The following ZUP1 variants were observed in gnomAD, a reference collection of about 807,000 sequenced individuals.
The protein encoded by ZUP1 is zinc finger containing ubiquitin peptidase 1.
A neutral mutation model predicts 68.1 loss-of-function variants in ZUP1; 55 were observed. The ratio of observed to expected loss-of-function variants is 0.81; its 90% confidence interval spans 0.65 to 1.01. ZUP1 has a LOEUF of 1.01. ZUP1 is among the 50% of genes least tolerant of loss of function. The pLI is 0.00. For synonymous variants in ZUP1, 223 were observed against 221.5 expected, an observed-to-expected ratio of 1.01 and a Z score of -0.06; for missense variants, 684 against 674.9, an observed-to-expected ratio of 1.01 and a Z score of -0.15.
Position 116,643,776 on chromosome 6 carries a change from G to A in ZUP1, c.1689+1938C>T, listed in dbSNP as rs529198406. 3.9e-5 allele frequency among the ~76,000 whole-genome samples: 6 copies of A among 152,298 alleles called. 1 individual carries two copies. The South Asian group carries it at 1.2e-3, about 32-fold the overall frequency. ...GCATTACCATTCAGCACATAGGCAT[G>A]GGCAAGGACTTCATGTCTAAAACAC... On this transcript the variant is annotated intron_variant, in intron 9 of 9. Transcript: ENST00000368576.
intron 8 of ZUP1, among the ~76,000 whole-genome samples, chr6:116,646,420 A>G (rs72959945): frequency 0.023 from 3,480 of 152,332 alleles, 68 homozygotes; most frequent in Middle Eastern, 0.099. Flanking sequence ...TTTACCAAGT[A>G]TCTATGTGCC....
Position 116,652,044 on chromosome 6 carries a change from T to C in ZUP1, c.1110A>G (p.Ser370=), listed in dbSNP as rs879719846. ...CGYRNFQMLL[S]SLLQNDAYND... ...TGTAAGCATCATTTTGTAATAATGA[T>C]GAAAGTAGCATTTGGAAATTTCTGT... The change falls in exon 6 of 10, where the codon TCA becomes TCG. Residue 370 remains serine (S), a synonymous_variant. Coordinates refer to ENST00000368576, the MANE Select transcript of ZUP1 (RefSeq NM_145062.3). The C allele has an allele frequency of 3.1e-6, 5 of 1,613,860 alleles. No individual in the cohort carries two copies. The African/African-American group carries it at 4.0e-5, about 13-fold the overall frequency.
At chr6:116,638,066 C>CAA (rs11398572) in intron 9 of ZUP1, among the ~76,000 whole-genome samples, 2,212 of 88,572 alleles carry the variant, frequency 0.025, 36 homozygotes, top group East Asian at 0.032. Flanking sequence ...AGTCGGTCTC[C>CAA]AAAAAAAAAA....
At chr6:116,653,592 G>GA (rs1462697623) in intron 5 of ZUP1, among the ~76,000 whole-genome samples, 2 of 151,920 alleles carry the variant, frequency 1.3e-5, no homozygotes, top group East Asian at 3.8e-4. Context: ...AGAAAGACTT[G>GA]AATTCAAGAA....
At position 116,648,714 on chromosome 6, in the gene ZUP1, T is replaced by C. The variant is rs1451442126; in HGVS notation, c.1317-1104A>G. Among the ~76,000 whole-genome samples the C allele has an allele frequency of 2.0e-5, 3 of 151,870 alleles. No homozygotes were observed. In the East Asian group the frequency reaches 5.8e-4, roughly 29 times the overall value. ...CAGTGGCTCACGCCTGTGATCCCAG[T>C]ACTTTGAGAGGCCAAGGCGGGTGGA... is the stretch of plus-strand genomic sequence containing the variant. On this transcript the variant is annotated intron_variant, in intron 7 of 9. Transcript: ENST00000368576.
At chr6:116,643,881 T>G (rs1407497051) in intron 9 of ZUP1, among the ~76,000 whole-genome samples, 5 of 152,100 alleles carry the variant, frequency 3.3e-5, no homozygotes, top group Non-Finnish European at 5.9e-5. Flanking sequence ...CAAGAGAAAC[T>G]ACCATCAGAG....
intron 9 of ZUP1, among the ~76,000 whole-genome samples, chr6:116,637,620 C>T (rs1381376559): frequency 6.6e-6 from 1 of 152,198 alleles, no homozygotes; most frequent in African/African-American, 2.4e-5. Context: ...AGAAAGACAA[C>T]AGCCAACTAA....
chr6:116,652,769 G>A (rs1776553396), intron 5 of ZUP1, among the ~76,000 whole-genome samples: 1 of 151,998 alleles, frequency 6.6e-6, no homozygotes, highest in Non-Finnish European at 1.5e-5. Flanking sequence ...TGAGACAACA[G>A]AAGACAACTT....
Position 116,652,069 on chromosome 6 carries a change from T to G in ZUP1, c.1085A>C (p.Tyr362Ser). Reference sequence around the variant, plus strand: ...TGAAAGTAGCATTTGGAAATTTCTGTAACCACAACCCCAACCTTTGTCGCC... The same window carrying G: ...TGAAAGTAGCATTTGGAAATTTCTGGAACCACAACCCCAACCTTTGTCGCC... The part of the protein sequence containing the change: ...SLGDKGWGCG[Y>S]RNFQMLLSSL... The change falls in exon 6 of 10, where the codon TAC (tyrosine) becomes TCC (serine). Residue 362 changes from tyrosine (Y) to serine (S), a missense_variant. Physicochemically the swap from Tyr to Ser is moderately radical, Grantham distance 144. Coordinates refer to ENST00000368576, the MANE Select transcript of ZUP1 (RefSeq NM_145062.3). 6.2e-7 allele frequency: 1 copy of G among 1,613,992 alleles called. No homozygotes were observed.
chr6:116,645,155 ACT>A, intron 9 of ZUP1, among the ~76,000 whole-genome samples: 1 of 95,160 alleles, frequency 1.1e-5, no homozygotes. Flanking sequence ...TAAATTAAAC[ACT>A]TTTATGAAGC....
chr6:116,648,781 G>A (rs984517892), intron 7 of ZUP1, among the ~76,000 whole-genome samples: 3 of 151,562 alleles, frequency 2.0e-5, no homozygotes, highest in African/African-American at 7.3e-5. Context: ...GGACAACATG[G>A]CGAAACCCCA....
chr6:116,641,469 C>T (rs1254898614), intron 9 of ZUP1, among the ~76,000 whole-genome samples: 3 of 151,822 alleles, frequency 2.0e-5, no homozygotes, highest in Non-Finnish European at 2.9e-5. Context: ...TGTAAAAGAA[C>T]AGAAATTATA....
chr6:116,651,339 A>T (rs1776483892), intron 7 of ZUP1, among the ~76,000 whole-genome samples: 1 of 152,194 alleles, frequency 6.6e-6, no homozygotes, highest in Non-Finnish European at 1.5e-5. Context: ...ACCAAGAAAC[A>T]GCTATGAAAG....
At position 116,652,101 on chromosome 6, in the gene ZUP1, T is replaced by C; in HGVS notation, c.1053A>G (p.Ser351=). 6.2e-7 allele frequency: 1 copy of C among 1,614,026 alleles called. No individual in the cohort carries two copies. Among genetic ancestry groups the C allele is most frequent in the East Asian group, 2.2e-5 (1 of 44,864 alleles). ...WLSSVVDHFH[S]SLGDKGWGCG... is the part of the protein sequence containing the mutation. ...AACCCCAACCTTTGTCGCCTAAAGA[T>C]GAATGAAAGTGATCCACCACTGAAG... The change falls in exon 6 of 10, where the codon TCA becomes TCG. Residue 351 remains serine (S), a synonymous_variant. Transcript: ENST00000368576.
At position 116,666,924 on chromosome 6, in the gene ZUP1, C is replaced by T; in HGVS notation, c.269G>A (p.Ser90Asn). The T allele has an allele frequency of 6.2e-7, 1 of 1,613,060 alleles. No homozygotes were observed. The highest frequency in any genetic ancestry group is 8.5e-7 in the Non-Finnish European group (1 of 1,179,686). The change falls in exon 2 of 10, where the codon AGT becomes AAT. Residue 90 changes from serine (S) to asparagine (N), a missense_variant. Transcript: ENST00000368576. Reference sequence around the variant, plus strand: ...ATTAGATGCACAACCTGAAAGAATACTTGAATTAACTTCCATTCCACACTG... The same window carrying T: ...ATTAGATGCACAACCTGAAAGAATATTTGAATTAACTTCCATTCCACACTG... ...TLQCGMEVNS[S>N]ILSGCASNHP... is the part of the protein sequence containing the mutation.
At chr6:116,650,373 G>C (rs570766403) in intron 7 of ZUP1, among the ~76,000 whole-genome samples, 10 of 122,996 alleles carry the variant, frequency 8.1e-5, no homozygotes, top group Admixed American at 7.8e-4. Flanking sequence ...AGTGAGCCAA[G>C]ATCACGCCAC....
intron 5 of ZUP1, among the ~76,000 whole-genome samples, chr6:116,655,405 T>C (rs961249561): frequency 1.3e-5 from 2 of 152,178 alleles, no homozygotes; most frequent in African/African-American, 2.4e-5. Context: ...TACTAAAGCA[T>C]GTATGAGACT....
In ZUP1 at chr6:116,667,019, A is replaced by C. The variant is rs1283258881; in HGVS notation, c.174T>G (p.Leu58=). ...TATTTATCCTCTCAAAGTTTCTTTCAAGTGTATTCTGCTCAAAATGAGCTG... is the reference window on the plus strand; with the variant it reads ...TATTTATCCTCTCAAAGTTTCTTTCCAGTGTATTCTGCTCAAAATGAGCTG... ...IETAHFEQNT[L]ERNFERINTV... The change falls in exon 2 of 10, where the codon CTT becomes CTG. Residue 58 remains leucine, a synonymous_variant. Coordinates refer to ENST00000368576, the MANE Select transcript of ZUP1 (RefSeq NM_145062.3). 6 of 1,613,460 alleles carry C rather than the reference A, an allele frequency of 3.7e-6. No homozygotes were observed. The African/African-American group carries it at 5.3e-5, about 14-fold the overall frequency.
chr6:116,646,218 T>C (rs1217743094), intron 8 of ZUP1: 2 of 248,326 alleles, frequency 8.1e-6, no homozygotes, highest in Non-Finnish European at 1.5e-5. Flanking sequence ...TTATTCAAAT[T>C]ATCTCAAATG....
Sources: allele counts gnomAD v4.1 joint callset (sites outside exome capture counted in the v4.1 genomes callset), GRCh38; gene constraint gnomAD v4.1.1; transcripts MANE v1.5; gene names NCBI Gene and HGNC (gene_info 2026-07-23, HGNC 2026-07-21).